The following THRB variants were observed in gnomAD, a reference collection of about 807,000 sequenced individuals.
THRB encodes the protein nuclear receptor subfamily 1 group A member 2.
THRB carries 12 observed loss-of-function variants against 47.8 expected under a neutral mutation model. That is an observed-to-expected ratio of 0.25 (90% CI 0.16 to 0.41). THRB has a LOEUF of 0.41. Ranked by LOEUF, THRB falls within the 10% of genes least tolerant of loss-of-function variation. The pLI is 1.00. For missense variants in THRB, 348 were observed against 589.2 expected (o/e 0.59, Z 4.24); for synonymous variants, 218 against 212.2 (o/e 1.03, Z -0.24).
chr3:24,462,197 CA>C lies in THRB; in HGVS notation c.-261+32454del, dbSNP rs745624055. 3.9e-5 allele frequency among the ~76,000 whole-genome samples: 6 copies of C among 152,036 alleles called. No homozygotes were observed. The East Asian group carries it at 7.7e-4, about 20-fold the overall frequency. On this transcript the variant is annotated intron_variant, in intron 1 of 10. Transcript: ENST00000646209. ...AAAACTTTTCAGCAGCATGTTATCC[CA>C]AAAAGGGCCCCAGATGGCAAGGACT...
chr3:24,438,717 GT>G (rs1273277732), intron 1 of THRB, among the ~76,000 whole-genome samples: 1 of 152,146 alleles, frequency 6.6e-6, no homozygotes, highest in Non-Finnish European at 1.5e-5. Flanking sequence ...TCTTTACTTA[GT>G]TATAAAGGAG....
intron 1 of THRB, chr3:24,458,935 A>G (rs997066136): frequency 1.3e-5 from 2 of 150,838 alleles, no homozygotes; most frequent in African/African-American, 2.4e-5. Flanking sequence ...ATATTTATGT[A>G]TTTATTATTT....
chr3:24,152,477 A>C lies in THRB; in HGVS notation c.297T>G (p.Ser99Arg). 6.3e-7 allele frequency: 1 copy of C among 1,579,948 alleles called. No homozygotes were observed. Among genetic ancestry groups the C allele is most frequent in the Non-Finnish European group, 8.7e-7 (1 of 1,149,018 alleles). Residue 99 changes from serine to arginine, a missense_variant, in exon 6 of 11, where the codon AGT becomes AGG. Around this residue, in one of 5 missense-constraint regions of THRB, gnomAD observed 112 missense variants for 212.3 expected, o/e 0.53. Transcript: ENST00000646209. ...CACAGAGCTCGTCCTTGTCTAAGTA[A>C]CTGGGGATGTACCCTGTGAAGGAAA... ...EEKKCKGYIP[S>R]YLDKDELCVV... is the part of the protein sequence containing the mutation.
chr3:24,264,167 C>T (rs1576397526), intron 3 of THRB, among the ~76,000 whole-genome samples: 1 of 152,280 alleles, frequency 6.6e-6, no homozygotes, highest in South Asian at 2.1e-4. Flanking sequence ...CCATTCTAGT[C>T]TCACAGACCT....
At chr3:24,207,056 T>A (rs2045453002) in intron 4 of THRB, among the ~76,000 whole-genome samples, 1 of 152,198 alleles carries the variant, frequency 6.6e-6, no homozygotes, top group Admixed American at 6.5e-5. Context: ...AGCCGAATTC[T>A]ACCAGAGGTG....
At chr3:24,240,268 G>T (rs2049350103) in intron 3 of THRB, among the ~76,000 whole-genome samples, 1 of 152,176 alleles carries the variant, frequency 6.6e-6, no homozygotes, top group Admixed American at 6.5e-5. Flanking sequence ...ATATGAGAAA[G>T]AGACACAGAG....
At chr3:24,396,786 T>G (rs966901918) in intron 1 of THRB, among the ~76,000 whole-genome samples, 2 of 152,156 alleles carry the variant, frequency 1.3e-5, no homozygotes, top group Non-Finnish European at 2.9e-5. Context: ...AGTTTCACTT[T>G]GGTTCTTTTC....
At chr3:24,463,965 G>A (rs775848584) in intron 1 of THRB, among the ~76,000 whole-genome samples, 7 of 152,182 alleles carry the variant, frequency 4.6e-5, no homozygotes, top group Non-Finnish European at 8.8e-5. Flanking sequence ...AAATGGTTGC[G>A]GCTGGGCGCG....
At chr3:24,242,609 C>T (rs1024402982) in intron 3 of THRB, among the ~76,000 whole-genome samples, 5 of 152,146 alleles carry the variant, frequency 3.3e-5, no homozygotes, top group Admixed American at 3.3e-4. Context: ...CTCAGCTGCT[C>T]CTTGCACAAT....
intron 3 of THRB, among the ~76,000 whole-genome samples, chr3:24,286,358 A>G (rs1010952994): frequency 1.3e-5 from 2 of 152,304 alleles, no homozygotes; most frequent in South Asian, 2.1e-4. Context: ...TACTCTTTTT[A>G]GCTTGGTTCA....
At chr3:24,349,383 A>G (rs749101431) in intron 1 of THRB, among the ~76,000 whole-genome samples, 8 of 152,090 alleles carry the variant, frequency 5.3e-5, no homozygotes, top group Non-Finnish European at 1.0e-4. Context: ...TGAAATAGCA[A>G]TGAGCCAAGA....
intron 1 of THRB, among the ~76,000 whole-genome samples, chr3:24,355,524 C>T (rs1468345117): frequency 1.3e-5 from 2 of 152,098 alleles, no homozygotes; most frequent in African/African-American, 4.8e-5. Context: ...GATAACCAGC[C>T]TGTAGTTATG....
In THRB at chr3:24,122,307, C is replaced by G. The variant is rs528338507; in HGVS notation, c.*577G>C. 6.3e-6 allele frequency: 1 copy of G among 158,394 alleles called. No individual in the cohort carries two copies. Among genetic ancestry groups the G allele is most frequent in the African/African-American group, 2.4e-5 (1 of 41,592 alleles). The allele number at this position is 158,394 out of a possible 1,614,324, so 9.8% of individuals were successfully genotyped here. ...CGTTATAAAAATGATATTGGAAGGG[C>G]AGCTGATTTTTTTAGGACACAAATA... is the stretch of plus-strand genomic sequence containing the variant. On this transcript the variant is annotated 3_prime_UTR_variant, in exon 11 of 11. Coordinates refer to ENST00000646209, the MANE Select transcript of THRB (RefSeq NM_001354712.2).
intron 4 of THRB, among the ~76,000 whole-genome samples, chr3:24,219,252 T>A (rs1036783218): frequency 1.3e-5 from 2 of 152,144 alleles, no homozygotes. Flanking sequence ...CAGTAAGCTG[T>A]GATCACACCA....
chr3:24,158,115 TA>T (rs1406339027), intron 5 of THRB, among the ~76,000 whole-genome samples: 1 of 152,214 alleles, frequency 6.6e-6, no homozygotes, highest in Non-Finnish European at 1.5e-5. Context: ...AGCAAATTTT[TA>T]AAACTAGGAA....
At chr3:24,158,287 C>T (rs2038178358) in intron 5 of THRB, among the ~76,000 whole-genome samples, 1 of 152,158 alleles carries the variant, frequency 6.6e-6, no homozygotes, top group Admixed American at 6.5e-5. Flanking sequence ...CAGAACCTCT[C>T]CTGATTGTGT....
chr3:24,217,280 C>A (rs2046663362), intron 4 of THRB, among the ~76,000 whole-genome samples: 1 of 151,858 alleles, frequency 6.6e-6, no homozygotes, highest in South Asian at 2.1e-4. Context: ...GGAAGTTGTA[C>A]AATAATATGA....
At chr3:24,377,304 T>A (rs965656635) in intron 1 of THRB, among the ~76,000 whole-genome samples, 2 of 152,078 alleles carry the variant, frequency 1.3e-5, no homozygotes, top group African/African-American at 4.8e-5. Flanking sequence ...TTCTTACTAG[T>A]GGCCAAGTGA....
At chr3:24,271,787 T>C (rs1017262072) in intron 3 of THRB, among the ~76,000 whole-genome samples, 3 of 152,126 alleles carry the variant, frequency 2.0e-5, no homozygotes, top group African/African-American at 7.2e-5. Flanking sequence ...GAAAATTTAA[T>C]TTAATTTAAT....
Sources: allele counts gnomAD v4.1 joint callset (sites outside exome capture counted in the v4.1 genomes callset), GRCh38; gene constraint gnomAD v4.1.1; regional missense constraint gnomAD v4.1.1; transcripts MANE v1.5; gene names NCBI Gene and HGNC (gene_info 2026-07-23, HGNC 2026-07-21).